Variants in TNIK observed in about 807,000 individuals in gnomAD.
The protein encoded by TNIK is TRAF2 and NCK-interacting protein kinase.
TNIK carries 49 observed loss-of-function variants against 191.3 expected under a neutral mutation model. The ratio of observed to expected loss-of-function variants is 0.26; its 90% CI spans 0.20 to 0.32. TNIK has a LOEUF of 0.32. Ranked by LOEUF, TNIK falls within the 10% of genes least tolerant of loss-of-function variation. The pLI is 1.00. For missense variants in TNIK, 1,155 were observed against 1,702.3 expected, an observed-to-expected ratio of 0.68 and a Z score of 5.66; for synonymous variants, 594 against 600.9, an observed-to-expected ratio of 0.99 and a Z score of 0.17.
intron 15 of TNIK, among the ~76,000 whole-genome samples, chr3:171,136,988 C>A (rs976061001): frequency 1.3e-5 from 2 of 151,416 alleles, no homozygotes; most frequent in African/African-American, 4.9e-5. Context: ...CAAATCAAAA[C>A]AATTTTTCCA....
chr3:171,125,883 A>AT (rs1560149687), intron 17 of TNIK, 29 bp downstream of exon 17: 1 of 1,611,044 alleles, frequency 6.2e-7, no homozygotes, highest in South Asian at 1.1e-5. Flanking sequence ...GATGCTGGTG[A>AT]TTAAAAAAAA....
chr3:171,362,332 TTAAAAG>T (rs1559975698), intron 2 of TNIK, among the ~76,000 whole-genome samples: 1 of 152,230 alleles, frequency 6.6e-6, no homozygotes, highest in East Asian at 1.9e-4. Flanking sequence ...GTTTTTGCCA[TTAAAAG>T]TAATACTGGT....
At chr3:171,203,498 T>C (rs1739671841) in intron 4 of TNIK, among the ~76,000 whole-genome samples, 1 of 152,224 alleles carries the variant, frequency 6.6e-6, no homozygotes, top group Admixed American at 6.5e-5. Context: ...CTGCTACTAT[T>C]TGAAATTTCA....
intron 1 of TNIK, among the ~76,000 whole-genome samples, chr3:171,379,988 G>A (rs781027699): frequency 9.3e-5 from 14 of 151,160 alleles, no homozygotes; most frequent in East Asian, 2.0e-4. Flanking sequence ...CAGCCTGAGC[G>A]ACAAAAGCGA....
intron 2 of TNIK, among the ~76,000 whole-genome samples, chr3:171,322,547 T>C (rs1755269589): frequency 6.6e-6 from 1 of 152,184 alleles, no homozygotes; most frequent in African/African-American, 2.4e-5. Context: ...GGGACCATAC[T>C]GTATTTTCTA....
At chr3:171,400,774 A>G (rs1720850894) in intron 1 of TNIK, among the ~76,000 whole-genome samples, 1 of 152,182 alleles carries the variant, frequency 6.6e-6, no homozygotes, top group South Asian at 2.1e-4. Flanking sequence ...ATGGTGTCAC[A>G]AAGACAAGGA....
chr3:171,240,983 C>G (rs574173054), intron 2 of TNIK, among the ~76,000 whole-genome samples: 1 of 151,960 alleles, frequency 6.6e-6, no homozygotes, highest in Non-Finnish European at 1.5e-5. Context: ...GAATTCCTAA[C>G]CTCTTTGTGG....
chr3:171,193,121 A>G (rs888941354), intron 5 of TNIK, among the ~76,000 whole-genome samples: 2 of 152,190 alleles, frequency 1.3e-5, no homozygotes, highest in African/African-American at 4.8e-5. Context: ...TATCATCCAT[A>G]TGATGTGGGT....
At chr3:171,091,977 T>A (rs973380703) in intron 23 of TNIK, among the ~76,000 whole-genome samples, 1 of 149,388 alleles carries the variant, frequency 6.7e-6, no homozygotes, top group Non-Finnish European at 1.5e-5. Flanking sequence ...TAAGACAGAG[T>A]CTCGTTCTGT....
chr3:171,070,460 G>C (rs993951034), intron 29 of TNIK, among the ~76,000 whole-genome samples: 1 of 151,732 alleles, frequency 6.6e-6, no homozygotes. Flanking sequence ...GAGAGAGAGA[G>C]ACAGAGAGAG....
intron 1 of TNIK, among the ~76,000 whole-genome samples, chr3:171,406,310 G>C (rs987760483): frequency 1.3e-5 from 2 of 152,150 alleles, no homozygotes; most frequent in Non-Finnish European, 2.9e-5. Flanking sequence ...CATTGCAGGA[G>C]CTACCTAGTC....
intron 18 of TNIK, among the ~76,000 whole-genome samples, chr3:171,117,141 G>A (rs978994402): frequency 6.6e-6 from 1 of 152,130 alleles, no homozygotes; most frequent in Non-Finnish European, 1.5e-5. Flanking sequence ...AGTAAATATC[G>A]CAACATAAGG....
At chr3:171,174,521 C>T (rs1356957923) in intron 9 of TNIK, among the ~76,000 whole-genome samples, 1 of 152,016 alleles carries the variant, frequency 6.6e-6, no homozygotes, top group Non-Finnish European at 1.5e-5. Context: ...TAGGAAGATC[C>T]CAACTATATA....
rs6807206 is a variant in TNIK at position 171,123,941 on chromosome 3, C to T, written c.2014-239G>A. On this transcript the variant is annotated intron_variant, in intron 17 of 32. Coordinates refer to ENST00000436636, the MANE Select transcript of TNIK (RefSeq NM_015028.4). ...ACCATTAAAGAGGGTCATCCTCAAT[C>T]TTAAAAACAAATTTAAAGATAGGTA... Among the ~76,000 whole-genome samples the T allele has an allele frequency of 3.3e-3, 500 of 152,280 alleles. 2 individuals carry two copies. Among genetic ancestry groups the T allele is most frequent in the African/African-American group, 0.012 (478 of 41,564 alleles).
At chr3:171,117,700 G>A (rs1726959874) in intron 18 of TNIK, among the ~76,000 whole-genome samples, 1 of 152,154 alleles carries the variant, frequency 6.6e-6, no homozygotes, top group African/African-American at 2.4e-5. Context: ...GCCGGGCGCG[G>A]TGGCTCACAC....
At chr3:171,177,799 G>A (rs1235612904) in intron 7 of TNIK, among the ~76,000 whole-genome samples, 2 of 152,136 alleles carry the variant, frequency 1.3e-5, no homozygotes, top group East Asian at 1.9e-4. Context: ...AGTCAAAACA[G>A]TAAACATACC....
intron 12 of TNIK, among the ~76,000 whole-genome samples, chr3:171,143,207 A>G (rs1430487206): frequency 2.0e-5 from 3 of 152,192 alleles, no homozygotes; most frequent in Middle Eastern, 3.4e-3. Context: ...CGCTTTCCCA[A>G]CCTTCTGAGG....
At chr3:171,236,136 A>G (rs1744237734) in intron 2 of TNIK, among the ~76,000 whole-genome samples, 1 of 136,508 alleles carries the variant, frequency 7.3e-6, no homozygotes, top group Non-Finnish European at 1.7e-5. Context: ...AGCGTCTTGT[A>G]AAGGGTAGGT....
intron 7 of TNIK, among the ~76,000 whole-genome samples, chr3:171,185,816 TA>T (rs1210997021): frequency 6.6e-6 from 1 of 152,256 alleles, no homozygotes; most frequent in Non-Finnish European, 1.5e-5. Context: ...AACTAAGCTA[TA>T]CTCTTTTTCT....
Sources: allele counts gnomAD v4.1 joint callset (sites outside exome capture counted in the v4.1 genomes callset), GRCh38; gene constraint gnomAD v4.1.1; transcripts MANE v1.5; gene names NCBI Gene and HGNC (gene_info 2026-07-23, HGNC 2026-07-21).